The following ANKRD62 variants were observed in gnomAD, a reference collection of about 807,000 sequenced individuals.
ANKRD62 encodes the protein ankyrin repeat domain-containing protein 62.
A neutral mutation model predicts 98.8 loss-of-function variants in ANKRD62; 61 were observed. The observed-to-expected ratio is 0.62, with a 90% CI of 0.50 to 0.76. The LOEUF (loss-of-function observed/expected upper bound fraction) is 0.76. Ranked by LOEUF, ANKRD62 falls within the 30% of genes least tolerant of loss-of-function variation. The pLI is 0.00. For synonymous variants in ANKRD62, 341 were observed against 367.9 expected, an observed-to-expected ratio of 0.93 and a Z score of 0.84; for missense variants, 933 against 1,082.9, an observed-to-expected ratio of 0.86 and a Z score of 1.94.
intron 7 of ANKRD62, among the ~76,000 whole-genome samples, chr18:12,106,536 TAAAATGCTGG>T: frequency 6.6e-6 from 1 of 152,202 alleles, no homozygotes; most frequent in East Asian, 1.9e-4. Flanking sequence ...TTTTGTGCAA[TAAAATGCTGG>T]AAAATGCCAG....
chr18:12,117,989 A>G (rs1357058273), intron 10 of ANKRD62, among the ~76,000 whole-genome samples: 1 of 152,208 alleles, frequency 6.6e-6, no homozygotes, highest in Non-Finnish European at 1.5e-5. Context: ...CTACCTGCAC[A>G]CATATGTAGC....
At chr18:12,168,666 G>C in the ANKRD62 span, among the ~76,000 whole-genome samples, 2 of 152,134 alleles carry the variant, frequency 1.3e-5, no homozygotes, top group Admixed American at 1.3e-4. Context: ...TTCCAATTCT[G>C]TGAAGAAAGT....
the ANKRD62 span, among the ~76,000 whole-genome samples, chr18:12,166,524 G>A: frequency 6.6e-6 from 1 of 151,668 alleles, no homozygotes; most frequent in Non-Finnish European, 1.5e-5. Context: ...ATTCTGAATT[G>A]CTTCTCTGTG....
the ANKRD62 span, among the ~76,000 whole-genome samples, chr18:12,176,463 G>A: frequency 2.3e-5 from 3 of 132,396 alleles, no homozygotes; most frequent in Non-Finnish European, 4.8e-5. Context: ...AGCACACTCC[G>A]TTGTTATTAT....
the ANKRD62 span, among the ~76,000 whole-genome samples, chr18:12,174,201 T>G: frequency 6.6e-6 from 1 of 152,196 alleles, no homozygotes; most frequent in Non-Finnish European, 1.5e-5. Context: ...TTTTTATTCT[T>G]GTTTTTCTTT....
At chr18:12,133,363 A>C (rs1224837619), downstream of ANKRD62, among the ~76,000 whole-genome samples, 6 of 152,208 alleles carry the variant, frequency 3.9e-5, no homozygotes, top group Non-Finnish European at 7.4e-5. Flanking sequence ...TGAATAACGT[A>C]CTGTGGACAC....
intron 8 of ANKRD62, among the ~76,000 whole-genome samples, chr18:12,113,790 T>C (rs1909599526): frequency 1.3e-5 from 2 of 152,338 alleles, no homozygotes; most frequent in African/African-American, 4.8e-5. Context: ...ATCTTATTAC[T>C]GGGTATATAC....
the ANKRD62 span, among the ~76,000 whole-genome samples, chr18:12,160,746 T>C: frequency 6.6e-6 from 1 of 152,162 alleles, no homozygotes. Flanking sequence ...ATCATGAAAT[T>C]GATGTTTTGC....
intron 7 of ANKRD62, among the ~76,000 whole-genome samples, chr18:12,105,179 G>A (rs905058910): frequency 1.3e-5 from 2 of 152,146 alleles, no homozygotes; most frequent in African/African-American, 2.4e-5. Context: ...AAAAGAAAAA[G>A]CGTAGTGTTT....
At chr18:12,131,314 A>G (rs1910000419), downstream of ANKRD62, among the ~76,000 whole-genome samples, 2 of 152,246 alleles carry the variant, frequency 1.3e-5, no homozygotes, top group African/African-American at 4.8e-5. Flanking sequence ...AAAATTATGA[A>G]TTAAATTTAA....
At chr18:12,152,846 A>G in the ANKRD62 span, among the ~76,000 whole-genome samples, 4 of 152,216 alleles carry the variant, frequency 2.6e-5, no homozygotes, top group Non-Finnish European at 4.4e-5. Context: ...TGAAGCCGAG[A>G]TCGTGCCATT....
intron 7 of ANKRD62, among the ~76,000 whole-genome samples, chr18:12,106,772 A>G (rs1286075155): frequency 3.3e-5 from 5 of 152,216 alleles, no homozygotes; most frequent in Non-Finnish European, 5.9e-5. Context: ...GCACCTTCAC[A>G]TTTTCAGTAT....
At chr18:12,157,012 A>C in the ANKRD62 span, among the ~76,000 whole-genome samples, 2 of 152,162 alleles carry the variant, frequency 1.3e-5, no homozygotes, top group Non-Finnish European at 2.9e-5. Flanking sequence ...CCAGGCAAGC[A>C]ATCTGCTTGC....
the ANKRD62 span, among the ~76,000 whole-genome samples, chr18:12,141,018 G>A: frequency 6.6e-5 from 10 of 152,322 alleles, no homozygotes; most frequent in African/African-American, 1.7e-4. Flanking sequence ...CGAGCTTCCT[G>A]GCTGCTTTGT....
chr18:12,179,496 A>G, the ANKRD62 span, among the ~76,000 whole-genome samples: 66 of 148,628 alleles, frequency 4.4e-4, no homozygotes, highest in African/African-American at 1.6e-3. Context: ...GGACAAAACA[A>G]TTGGTGTTCA....
chr18:12,126,192 A>T lies in ANKRD62; in HGVS notation c.2371A>T (p.Asn791Tyr). 1.3e-6 allele frequency: 2 copies of T among 1,536,088 alleles called. No homozygotes were observed. Among genetic ancestry groups the T allele is most frequent in the Non-Finnish European group, 1.7e-6 (2 of 1,146,848 alleles). ...SQNLLYQQQCNDARKKADNQE... is the reference protein window; with the variant it reads ...SQNLLYQQQCYDARKKADNQE... ...AAATCTGTTGTATCAACAGCAGTGT[A>T]ATGATGCTCGCAAGAAAGCTGACAA... Residue 791 changes from asparagine to tyrosine, a missense_variant, in exon 13 of 14, where the codon AAT becomes TAT. Asn to Tyr is a moderately radical substitution (Grantham distance 143). Around this residue, in one of 3 missense-constraint regions of ANKRD62, gnomAD observed 362 missense variants for 434.5 expected, o/e 0.83. Transcript: ENST00000587848.
the ANKRD62 span, among the ~76,000 whole-genome samples, chr18:12,158,545 A>T: frequency 2.1e-5 from 3 of 144,408 alleles, no homozygotes; most frequent in Admixed American, 2.1e-4. Context: ...ATTTTTTTTG[A>T]GACGGAGTCT....
At chr18:12,141,023 CT>C in the ANKRD62 span, among the ~76,000 whole-genome samples, 1 of 152,242 alleles carries the variant, frequency 6.6e-6, no homozygotes, top group Non-Finnish European at 1.5e-5. Flanking sequence ...TTCCTGGCTG[CT>C]TTGTTTACCT....
the ANKRD62 span, among the ~76,000 whole-genome samples, chr18:12,156,083 C>T: frequency 1.3e-5 from 2 of 151,078 alleles, no homozygotes; most frequent in Non-Finnish European, 3.0e-5. Flanking sequence ...CTCCTTCCCC[C>T]CTCCCTCTCC....
Sources: allele counts gnomAD v4.1 joint callset (sites outside exome capture counted in the v4.1 genomes callset), GRCh38; gene constraint gnomAD v4.1.1; regional missense constraint gnomAD v4.1.1; transcripts MANE v1.5; gene names NCBI Gene and HGNC (gene_info 2026-07-23, HGNC 2026-07-21).